ANKEF1: variants seen among roughly 807,000 people sequenced by gnomAD.
ANKEF1 encodes ankyrin repeat and EF-hand domain containing 1.
A neutral mutation model predicts 65.1 loss-of-function variants in ANKEF1; 43 were observed. The observed-to-expected ratio is 0.66, with a 90% confidence interval of 0.52 to 0.85. The LOEUF is 0.85. Ranked by LOEUF, ANKEF1 falls within the 40% of genes least tolerant of loss-of-function variation. ANKEF1 has a pLI of 0.00. For synonymous variants in ANKEF1, 316 were observed against 341.5 expected (o/e 0.93, Z 0.82); for missense variants, 934 against 952.9 (o/e 0.98, Z 0.26).
chr20:10,052,344 G>A (rs2122273418), intron 8 of ANKEF1, among the ~76,000 whole-genome samples: 1 of 152,180 alleles, frequency 6.6e-6, no homozygotes, highest in Non-Finnish European at 1.5e-5. Flanking sequence ...ACACTGTTAT[G>A]ACTGTTAATT....
chr20:10,054,092 G>A lies in ANKEF1; in HGVS notation c.2035-370G>A, dbSNP rs905647272. On this transcript the variant is annotated intron_variant, in intron 9 of 10. Transcript: ENST00000378392. ...GGGGAAATGTAGGTGGTAGGGAGTA[G>A]ATAGGATGAAGGGATTGTAGACAGA... Among the ~76,000 whole-genome samples the A allele has an allele frequency of 5.3e-5, 8 of 152,164 alleles. No individual in the cohort carries two copies. In the East Asian group the frequency reaches 1.5e-3, roughly 29 times the overall value.
chr20:10,036,598 T>C (rs1017530105), intron 2 of ANKEF1, among the ~76,000 whole-genome samples: 4 of 152,054 alleles, frequency 2.6e-5, no homozygotes, highest in African/African-American at 9.7e-5. Flanking sequence ...TCCCAACACT[T>C]TGGGAGGCTG....
At chr20:10,044,979 C>A (rs757216694) in intron 5 of ANKEF1, among the ~76,000 whole-genome samples, 3 of 152,112 alleles carry the variant, frequency 2.0e-5, no homozygotes, top group Non-Finnish European at 2.9e-5. Context: ...TTCTGATTAT[C>A]TAAACATACA....
At chr20:10,043,001 G>A in intron 3 of ANKEF1, 121 bp from the exon 4 acceptor site, 1 of 932,488 alleles carries the variant, frequency 1.1e-6, no homozygotes, top group Non-Finnish European at 1.6e-6. Flanking sequence ...TGGTTTCAGA[G>A]AGGAAACTGA....
At position 10,049,869 on chromosome 20, in the gene ANKEF1, C is replaced by T; in HGVS notation, c.1300C>T (p.Pro434Ser). The change falls in exon 7 of 11, where the codon CCA becomes TCA. Residue 434 changes from proline to serine, a missense_variant. By Grantham distance (74) the Pro-to-Ser change is moderately conservative. Transcript: ENST00000378392. The stretch of plus-strand genomic sequence containing the variant: ...GAAAGGGAAATTTGTCTTACCCCTT[C>T]CAATCTGTGTCATTCCTGAGTACGC... The part of the protein sequence containing the change: ...GKKGKFVLPL[P>S]ICVIPEYAFP... 1 of 1,614,182 alleles carries T rather than the reference C, an allele frequency of 6.2e-7. No homozygotes were observed. The highest frequency in any genetic ancestry group is 8.5e-7 in the Non-Finnish European group (1 of 1,180,022).
In ANKEF1 at chr20:10,050,203, T is replaced by C; in HGVS notation, c.1634T>C (p.Leu545Pro). The C allele has an allele frequency of 6.2e-7, 1 of 1,605,358 alleles. No individual in the cohort carries two copies. The highest frequency in any genetic ancestry group is 8.5e-7 in the Non-Finnish European group (1 of 1,175,482). Residue 545 changes from leucine to proline, a missense_variant, in exon 7 of 11, where the codon CTT becomes CCT. Physicochemically the swap from Leu to Pro is moderately conservative, Grantham distance 98. Coordinates refer to ENST00000378392, the MANE Select transcript of ANKEF1 (RefSeq NM_022096.6). ...SGNIDVVKFL[L>P]EKGANVNATD... is the part of the protein sequence containing the mutation. ...AACATAGATGTGGTCAAGTTTCTTC[T>C]TGAAAAAGGGTACGCGTCTCCGTCG...
In ANKEF1 at chr20:10,057,832, AC is replaced by A. The variant is rs1985252584; in HGVS notation, c.*2173del. The A allele has an allele frequency of 6.6e-6, 1 of 152,218 alleles. No homozygotes were observed. 9.4% of individuals were successfully genotyped at this position (152,218 alleles called of 1,614,324 possible). ...CCTTTGTACTCCCAGGTCATGAAATACATTCGCTTGCCCCATCTCTTTAGTC... is the reference window on the plus strand; with the variant it reads ...CCTTTGTACTCCCAGGTCATGAAATAATTCGCTTGCCCCATCTCTTTAGTC... On this transcript the variant is annotated 3_prime_UTR_variant, in exon 11 of 11. Transcript: ENST00000378392.
intron 6 of ANKEF1, among the ~76,000 whole-genome samples, chr20:10,047,838 T>G (rs1345431745): frequency 2.6e-5 from 4 of 152,198 alleles, no homozygotes; most frequent in Admixed American, 2.6e-4. Context: ...GAAAACTGCC[T>G]TTAGCTCTTT....
At chr20:10,041,768 A>G (rs1057127999) in intron 3 of ANKEF1, among the ~76,000 whole-genome samples, 27 of 152,190 alleles carry the variant, frequency 1.8e-4, no homozygotes, top group Non-Finnish European at 3.1e-4. Context: ...TTCAGTATTT[A>G]TGACTGTTCT....
At chr20:10,035,923 A>G (rs1983818396) in intron 2 of ANKEF1, among the ~76,000 whole-genome samples, 1 of 152,084 alleles carries the variant, frequency 6.6e-6, no homozygotes, top group African/African-American at 2.4e-5. Flanking sequence ...CTATTCCACT[A>G]CCTTGGTAGA....
At chr20:10,037,683 A>G (rs557711264) in intron 2 of ANKEF1, among the ~76,000 whole-genome samples, 1 of 152,168 alleles carries the variant, frequency 6.6e-6, no homozygotes, top group East Asian at 1.9e-4. Context: ...AAAATTACAT[A>G]CTAGAATGCC....
chr20:10,040,489 G>A (rs1348391037), intron 3 of ANKEF1: 1 of 152,204 alleles, frequency 6.6e-6, no homozygotes, highest in Non-Finnish European at 1.5e-5. Context: ...AGAAGGTAAA[G>A]CTCTAAGCCA....
intron 6 of ANKEF1, among the ~76,000 whole-genome samples, chr20:10,048,459 A>G (rs1984647779): frequency 6.6e-6 from 1 of 152,112 alleles, no homozygotes; most frequent in Admixed American, 6.6e-5. Context: ...TACAATTGTT[A>G]TTGATTGTAG....
intron 3 of ANKEF1, among the ~76,000 whole-genome samples, chr20:10,041,980 A>C (rs1423734903): frequency 6.6e-6 from 1 of 151,598 alleles, no homozygotes; most frequent in Admixed American, 6.6e-5. Context: ...AGATCCTTTG[A>C]TTATACTGTA....
chr20:10,050,351 C>A, intron 7 of ANKEF1, 139 bp downstream of exon 7: 1 of 613,462 alleles, frequency 1.6e-6, no homozygotes, highest in Non-Finnish European at 2.7e-6. Context: ...ATATAAAAGC[C>A]TTTTATTAAC....
chr20:10,038,563 GC>G lies in ANKEF1; in HGVS notation c.263del (p.Ala88ValfsTer13), dbSNP rs773305271. ...AATGGGCTGTACTCCCACAATGAGG[GC>G]TGCAGAACTGGGCCATGAATTGTCA... is the stretch of plus-strand genomic sequence containing the variant. ...DRMGCTPTMRAAELGHELSME... is the reference protein window; with the variant it reads ...DRMGCTPTMRXAELGHELSME... On this transcript the variant is annotated frameshift_variant, in exon 3 of 11. Transcript: ENST00000378392. LOFTEE classifies it high-confidence loss of function. The G allele has an allele frequency of 3.1e-6, 5 of 1,614,238 alleles. No individual in the cohort carries two copies. In the East Asian group the frequency reaches 1.1e-4, roughly 36 times the overall value.
In ANKEF1 at chr20:10,049,839, G is replaced by C; in HGVS notation, c.1270G>C (p.Gly424Arg). Residue 424 changes from glycine to arginine, a missense_variant, in exon 7 of 11, where the codon GGA becomes CGA. Physicochemically the swap from Gly to Arg is moderately radical, Grantham distance 125 (BLOSUM62 -2). Coordinates refer to ENST00000378392, the MANE Select transcript of ANKEF1 (RefSeq NM_022096.6). ...KKKEKGMGKK[G>R]KKGKFVLPLP... ...AAAGGAAAAAGGGATGGGCAAAAAA[G>C]GAAAGAAAGGGAAATTTGTCTTACC... The C allele has an allele frequency of 6.2e-7, 1 of 1,614,184 alleles. No homozygotes were observed.
At position 10,053,262 on chromosome 20, in the gene ANKEF1, T is replaced by C; in HGVS notation, c.2021T>C (p.Ile674Thr). 1 of 1,590,672 alleles carries C rather than the reference T, an allele frequency of 6.3e-7. No homozygotes were observed. The highest frequency in any genetic ancestry group is 8.5e-7 in the Non-Finnish European group (1 of 1,173,902). Reference protein sequence around the residue: ...PPILKTEGPEIKKEEELLSSI... With the variant: ...PPILKTEGPETKKEEELLSSI... Reference sequence around the variant, plus strand: ...ATACTGAAGACTGAAGGCCCTGAAATTAAGAAAGAAGAGGTAAGAAAAATG... The same window carrying C: ...ATACTGAAGACTGAAGGCCCTGAAACTAAGAAAGAAGAGGTAAGAAAAATG... Residue 674 changes from isoleucine to threonine, a missense_variant, in exon 9 of 11, where the codon ATT becomes ACT. Transcript: ENST00000378392.
chr20:10,050,323 C>T (rs111717543), intron 7 of ANKEF1, 111 bp downstream of exon 7: 1 of 806,660 alleles, frequency 1.2e-6, no homozygotes. Flanking sequence ...TTATTAAAGT[C>T]TATAATAAGG....
Sources: allele counts gnomAD v4.1 joint callset (sites outside exome capture counted in the v4.1 genomes callset), GRCh38; gene constraint gnomAD v4.1.1; transcripts MANE v1.5; gene names NCBI Gene and HGNC (gene_info 2026-07-23, HGNC 2026-07-21).